Variants in TBC1D4 observed in about 807,000 individuals in gnomAD.
The protein encoded by TBC1D4 is TBC (Tre-2, BUB2, CDC16) domain-containing protein.
A neutral mutation model predicts 142.5 loss-of-function variants in TBC1D4; 121 were observed. The observed-to-expected ratio is 0.85, with a 90% CI of 0.73 to 0.99. The LOEUF is 0.99. Ranked by LOEUF, TBC1D4 falls within the 50% of genes least tolerant of loss-of-function variation. The probability of loss-of-function intolerance (pLI) is 0.00; values close to 1 mark genes in which losing one functional copy is unlikely to be tolerated. For missense variants in TBC1D4, 1,475 were observed against 1,606.6 expected (o/e 0.92, Z 1.40); for synonymous variants, 630 against 628.2 (o/e 1.00, Z -0.04).
intron 18 of TBC1D4, among the ~76,000 whole-genome samples, chr13:75,292,877 G>A (rs1002398646): frequency 1.5e-4 from 23 of 152,080 alleles, no homozygotes; most frequent in African/African-American, 4.6e-4. Flanking sequence ...GTACTAGGCC[G>A]GGCGTGTTGG....
intron 1 of TBC1D4, among the ~76,000 whole-genome samples, chr13:75,406,524 A>G (rs1885352101): frequency 6.6e-6 from 1 of 152,172 alleles, no homozygotes; most frequent in Non-Finnish European, 1.5e-5. Context: ...ACAGAGCACC[A>G]AGCAAATGAA....
At chr13:75,401,527 A>G (rs1394817956) in intron 1 of TBC1D4, among the ~76,000 whole-genome samples, 1 of 152,254 alleles carries the variant, frequency 6.6e-6, no homozygotes, top group East Asian at 1.9e-4. Context: ...ACAAAAGAAC[A>G]GCACAACCTA....
rs1311731932 is a variant in TBC1D4 at position 75,286,132 on chromosome 13, T to G, written c.*660A>C. On this transcript the variant is annotated 3_prime_UTR_variant, in exon 21 of 21. Coordinates refer to ENST00000377636, the MANE Select transcript of TBC1D4 (RefSeq NM_014832.5). Reference sequence around the variant, plus strand: ...CTTTATGTATGTTTAAAGTAATGCCTAACCAGACTCATAATGCATGTAGAT... The same window carrying G: ...CTTTATGTATGTTTAAAGTAATGCCGAACCAGACTCATAATGCATGTAGAT... 2 of 152,952 alleles carry G rather than the reference T, an allele frequency of 1.3e-5. No individual in the cohort carries two copies. The highest frequency in any genetic ancestry group is 2.9e-5 in the Non-Finnish European group (2 of 68,324). 9.5% of individuals were successfully genotyped at this position (152,952 alleles called of 1,614,324 possible).
chr13:75,333,613 T>C (rs1468478586), intron 8 of TBC1D4, among the ~76,000 whole-genome samples: 13 of 152,340 alleles, frequency 8.5e-5, no homozygotes, highest in Admixed American at 2.6e-4. Context: ...GTGTATTTTC[T>C]ATAAAAAAGG....
intron 1 of TBC1D4, among the ~76,000 whole-genome samples, chr13:75,384,160 C>T (rs1047139989): frequency 5.9e-5 from 9 of 152,212 alleles, no homozygotes; most frequent in East Asian, 1.9e-4. Flanking sequence ...CAGTGGCTCA[C>T]GCCTGTGCTG....
intron 1 of TBC1D4, among the ~76,000 whole-genome samples, chr13:75,461,363 C>T (rs2138282793): frequency 6.6e-6 from 1 of 152,324 alleles, no homozygotes; most frequent in South Asian, 2.1e-4. Flanking sequence ...GAAAGGACTT[C>T]AAGTAAAGGA....
At chr13:75,342,012 G>A (rs747982466) in intron 5 of TBC1D4, among the ~76,000 whole-genome samples, 8 of 152,020 alleles carry the variant, frequency 5.3e-5, no homozygotes, top group Non-Finnish European at 1.2e-4. Context: ...GCAAATTCTA[G>A]TTCTTTTACA....
chr13:75,327,685 G>T, intron 9 of TBC1D4, 67 bp downstream of exon 9: 1 of 1,378,606 alleles, frequency 7.3e-7, no homozygotes, highest in Non-Finnish European at 1.0e-6. Context: ...AATGGAGCAT[G>T]CATATTACCA....
chr13:75,307,227 G>T (rs1251318517), intron 14 of TBC1D4, among the ~76,000 whole-genome samples: 1 of 152,164 alleles, frequency 6.6e-6, no homozygotes, highest in African/African-American at 2.4e-5. Flanking sequence ...CTCCCAAAGA[G>T]CTGGGATAAC....
At chr13:75,412,361 T>TA (rs1218535070) in intron 1 of TBC1D4, among the ~76,000 whole-genome samples, 1 of 152,180 alleles carries the variant, frequency 6.6e-6, no homozygotes, top group African/African-American at 2.4e-5. Context: ...TGGCCCACTG[T>TA]AGCCTTGACC....
chr13:75,299,040 G>A (rs1157148762), intron 17 of TBC1D4, among the ~76,000 whole-genome samples: 2 of 152,188 alleles, frequency 1.3e-5, no homozygotes, highest in African/African-American at 4.8e-5. Context: ...GTAACCCATA[G>A]ACTTAGGGCA....
chr13:75,415,065 G>A (rs1380546550), intron 1 of TBC1D4, among the ~76,000 whole-genome samples: 2 of 150,576 alleles, frequency 1.3e-5, no homozygotes, highest in Non-Finnish European at 2.9e-5. Context: ...TGGAGGTTTC[G>A]GTGAGCCGAG....
At chr13:75,414,388 G>T (rs1462129793) in intron 1 of TBC1D4, among the ~76,000 whole-genome samples, 1 of 152,178 alleles carries the variant, frequency 6.6e-6, no homozygotes, top group Non-Finnish European at 1.5e-5. Context: ...AGACTGAGAA[G>T]TCCAGACCAC....
chr13:75,371,721 G>T (rs1371472876), intron 1 of TBC1D4, among the ~76,000 whole-genome samples: 1 of 152,178 alleles, frequency 6.6e-6, no homozygotes, highest in Non-Finnish European at 1.5e-5. Context: ...TCAGGAATCA[G>T]CCACTAATTA....
chr13:75,372,924 T>C lies in TBC1D4; in HGVS notation c.499-10317A>G, dbSNP rs1883299017. ...TTAAAGCAGGACACAATAAACATAATAGGAAACATACGTCTTGGTCCTTCA... is the reference window on the plus strand; with the variant it reads ...TTAAAGCAGGACACAATAAACATAACAGGAAACATACGTCTTGGTCCTTCA... On this transcript the variant is annotated intron_variant, in intron 1 of 20. Transcript: ENST00000377636. Among the ~76,000 whole-genome samples, 6 of 152,172 alleles carry C rather than the reference T, an allele frequency of 3.9e-5. 1 individual carries two copies. The highest frequency in any genetic ancestry group is 2.6e-4 in the Admixed American group (4 of 15,272).
Position 75,286,939 on chromosome 13 carries a change from G to C in TBC1D4, c.3750C>G (p.Thr1250=). Residue 1250 remains threonine, a synonymous_variant, in exon 21 of 21, where the codon ACC becomes ACG. Coordinates refer to ENST00000377636, the MANE Select transcript of TBC1D4 (RefSeq NM_014832.5). ...RETKMKSLIR[T]LEQEKMAYQK... ...GATAAGCCATTTTTTCTTGTTCCAGGGTCCGGATTAAAGACTTCATTTTGG... is the reference window on the plus strand; with the variant it reads ...GATAAGCCATTTTTTCTTGTTCCAGCGTCCGGATTAAAGACTTCATTTTGG... The C allele has an allele frequency of 6.2e-7, 1 of 1,613,852 alleles. No individual in the cohort carries two copies. The highest frequency in any genetic ancestry group is 1.3e-5 in the African/African-American group (1 of 74,948).
chr13:75,301,533 T>C (rs532575565), intron 16 of TBC1D4, among the ~76,000 whole-genome samples: 1 of 151,660 alleles, frequency 6.6e-6, no homozygotes, highest in Admixed American at 6.6e-5. Flanking sequence ...TAGTCCCAGC[T>C]ACTCAGGAGG....
chr13:75,421,177 T>C (rs1408562537), intron 1 of TBC1D4, among the ~76,000 whole-genome samples: 1 of 152,224 alleles, frequency 6.6e-6, no homozygotes, highest in Non-Finnish European at 1.5e-5. Flanking sequence ...TGCTCAGGTA[T>C]CTGAGGTACT....
chr13:75,481,823 C>T lies in TBC1D4; in HGVS notation c.-56G>A, dbSNP rs1888904279. On this transcript the variant is annotated 5_prime_UTR_variant, in exon 1 of 21. In the 5' UTR this introduces an upstream ATG that the reference lacks. Transcript: ENST00000377636. ...CCGGCCGGGCGCACCGCGCCCCCCA[C>T]TCCCGCGCAGAAGGCGCCGCCGAAA... The T allele has an allele frequency of 7.0e-7, 1 of 1,429,594 alleles. No homozygotes were observed. The highest frequency in any genetic ancestry group is 3.2e-5 in the Admixed American group (1 of 30,866). 88.6% of individuals were successfully genotyped at this position (1,429,594 alleles called of 1,614,324 possible). A position where few individuals can be genotyped will look rare whatever the true frequency, so the allele number is the denominator to read the frequency against.
Sources: allele counts gnomAD v4.1 joint callset (sites outside exome capture counted in the v4.1 genomes callset), GRCh38; gene constraint gnomAD v4.1.1; transcripts MANE v1.5; gene names NCBI Gene and HGNC (gene_info 2026-07-23, HGNC 2026-07-21).